Variants in NXPE2 observed in about 807,000 individuals in gnomAD.
The protein encoded by NXPE2 is neurexophilin and PC-esterase domain family member 2.
Under a neutral mutation model 34.4 loss-of-function variants are expected in NXPE2, and 34 were observed. The observed-to-expected ratio is 0.99, with a 90% CI of 0.75 to 1.31. NXPE2 has a LOEUF of 1.31. Ranked by LOEUF, NXPE2 falls within the 40% of genes most tolerant of loss-of-function variation. The pLI is 0.00. For missense variants in NXPE2, 649 were observed against 672.5 expected, an observed-to-expected ratio of 0.97 and a Z score of 0.39; for synonymous variants, 235 against 231.3, an observed-to-expected ratio of 1.02 and a Z score of -0.15.
chr11:114,686,368 A>G (rs1951047988), intron 2 of NXPE2, among the ~76,000 whole-genome samples: 1 of 151,962 alleles, frequency 6.6e-6, no homozygotes, highest in Non-Finnish European at 1.5e-5. Flanking sequence ...AACATGTGGT[A>G]TTTGGTTTTC....
At chr11:114,533,294 A>T in the NXPE2 span, among the ~76,000 whole-genome samples, 22 of 152,220 alleles carry the variant, frequency 1.4e-4, no homozygotes, top group Non-Finnish European at 4.4e-5. Flanking sequence ...TAGACAATAC[A>T]TTCGAGCGGG....
At chr11:114,599,561 A>T in the NXPE2 span, among the ~76,000 whole-genome samples, 1 of 152,184 alleles carries the variant, frequency 6.6e-6, no homozygotes, top group East Asian at 1.9e-4. Context: ...TAAAGAAAAG[A>T]GATTTAATTG....
At chr11:114,760,528 G>T in the NXPE2 span, among the ~76,000 whole-genome samples, 1 of 152,110 alleles carries the variant, frequency 6.6e-6, no homozygotes, top group African/African-American at 2.4e-5. Flanking sequence ...TCTGCCCACT[G>T]GTGTTAAGAG....
At chr11:114,747,031 G>C in the NXPE2 span, among the ~76,000 whole-genome samples, 6 of 152,090 alleles carry the variant, frequency 3.9e-5, no homozygotes, top group African/African-American at 9.7e-5. Context: ...CTAATTTGTA[G>C]TAGTGTGTCA....
chr11:114,717,871 A>G, the NXPE2 span, among the ~76,000 whole-genome samples: 4 of 152,200 alleles, frequency 2.6e-5, no homozygotes, highest in African/African-American at 9.7e-5. Flanking sequence ...GGGCCCTAGG[A>G]AAAGTTTGAG....
the NXPE2 span, among the ~76,000 whole-genome samples, chr11:114,507,476 C>T: frequency 6.9e-3 from 1,051 of 152,100 alleles, 15 homozygotes; most frequent in African/African-American, 0.022. Context: ...TGATGAACAT[C>T]GATGCAAAAA....
At chr11:114,677,591 A>G (rs1950872872), upstream of NXPE2, among the ~76,000 whole-genome samples, 1 of 152,008 alleles carries the variant, frequency 6.6e-6, no homozygotes, top group South Asian at 2.1e-4. Flanking sequence ...CTCTGTGCCA[A>G]TCTCCAATAT....
At chr11:114,500,945 T>C in the NXPE2 span, among the ~76,000 whole-genome samples, 1 of 152,196 alleles carries the variant, frequency 6.6e-6, no homozygotes, top group Non-Finnish European at 1.5e-5. Context: ...TGGGTCTTTT[T>C]CTGGACTTTC....
the NXPE2 span, among the ~76,000 whole-genome samples, chr11:114,718,213 A>G: frequency 6.6e-6 from 1 of 152,220 alleles, no homozygotes; most frequent in African/African-American, 2.4e-5. Flanking sequence ...TCAGATCTGT[A>G]TCTTTGGACA....
At chr11:114,515,114 G>A in the NXPE2 span, among the ~76,000 whole-genome samples, 28 of 151,998 alleles carry the variant, frequency 1.8e-4, no homozygotes, top group Admixed American at 3.3e-4. Context: ...CTATAATTAA[G>A]TGGATTCAGT....
At chr11:114,583,544 G>C in the NXPE2 span, 1 of 603,948 alleles carries the variant, frequency 1.7e-6, no homozygotes, top group Admixed American at 1.9e-5. Flanking sequence ...CAACGTTAGT[G>C]AGGACTGTCC....
chr11:114,769,646 T>C, the NXPE2 span, among the ~76,000 whole-genome samples: 1 of 152,222 alleles, frequency 6.6e-6, no homozygotes, highest in African/African-American at 2.4e-5. Context: ...AAAGGATGGG[T>C]TCATGTCCTT....
the NXPE2 span, among the ~76,000 whole-genome samples, chr11:114,602,449 T>A: frequency 6.7e-5 from 9 of 134,380 alleles, no homozygotes; most frequent in Admixed American, 1.7e-4. Context: ...ATATAATATA[T>A]ATTATAAATA....
the NXPE2 span, among the ~76,000 whole-genome samples, chr11:114,606,916 T>C: frequency 6.6e-6 from 1 of 151,912 alleles, no homozygotes; most frequent in African/African-American, 2.4e-5. Flanking sequence ...CGGTGGATAA[T>C]AAGTATTGTC....
the NXPE2 span, among the ~76,000 whole-genome samples, chr11:114,611,413 A>G: frequency 6.6e-6 from 1 of 150,812 alleles, no homozygotes; most frequent in African/African-American, 2.4e-5. Flanking sequence ...AGTGGATAAT[A>G]AGTATTGCCT....
chr11:114,555,093 T>C, the NXPE2 span, among the ~76,000 whole-genome samples: 1 of 152,244 alleles, frequency 6.6e-6, no homozygotes, highest in East Asian at 1.9e-4. Context: ...ATTAAGTATC[T>C]CTTCAATTTG....
At chr11:114,694,918 A>G (rs1427862126) in intron 2 of NXPE2, among the ~76,000 whole-genome samples, 2 of 152,000 alleles carry the variant, frequency 1.3e-5, no homozygotes, top group African/African-American at 4.8e-5. Flanking sequence ...TGATAATTTC[A>G]AAATCTCTAC....
intron 2 of NXPE2, among the ~76,000 whole-genome samples, chr11:114,690,044 C>T (rs1235901940): frequency 6.6e-6 from 1 of 151,996 alleles, no homozygotes; most frequent in African/African-American, 2.4e-5. Context: ...ATCCAGTTTG[C>T]CACTCTATGT....
chr11:114,605,217 G>A, the NXPE2 span, among the ~76,000 whole-genome samples: 32 of 151,776 alleles, frequency 2.1e-4, no homozygotes, highest in African/African-American at 6.5e-4. Flanking sequence ...GTATTGCCTC[G>A]TGGGTAACTG....
Sources: gnomAD v4.1 joint callset for allele counts (sites outside exome capture counted in the v4.1 genomes callset) on GRCh38, gnomAD v4.1.1 for gene constraint, MANE v1.5 for transcripts, NCBI Gene and HGNC (gene_info 2026-07-23, HGNC 2026-07-21) for gene names.